Variants in CPAP observed in about 807,000 individuals in gnomAD.
The protein encoded by CPAP is centrosomal P4.1-associated protein.
the CPAP span, among the ~76,000 whole-genome samples, chr13:24,900,897 A>G: frequency 1.3e-5 from 2 of 152,238 alleles, no homozygotes; most frequent in African/African-American, 2.4e-5. Context: ...CAAATGGAAG[A>G]GCAGACTCAT....
At chr13:24,902,854 T>G in the CPAP span, among the ~76,000 whole-genome samples, 2 of 152,178 alleles carry the variant, frequency 1.3e-5, no homozygotes, top group South Asian at 4.1e-4. Flanking sequence ...ATCCCCTAGA[T>G]CCCATCCCGC....
At chr13:24,899,487 T>C in the CPAP span, 1 of 1,613,884 alleles carries the variant, frequency 6.2e-7, no homozygotes, top group African/African-American at 1.3e-5. Context: ...TCAAAAACTT[T>C]ACGTTCCTTT....
the CPAP span, among the ~76,000 whole-genome samples, chr13:24,927,324 T>A: frequency 1.3e-5 from 2 of 152,042 alleles, no homozygotes; most frequent in East Asian, 3.9e-4. Context: ...GGAGAGAAAT[T>A]ACAACAAACC....
At chr13:24,886,476 A>G in the CPAP span, 2 of 602,840 alleles carry the variant, frequency 3.3e-6, no homozygotes, top group South Asian at 3.0e-5. Flanking sequence ...ATATGATTCA[A>G]TGTAACTAAT....
At chr13:24,890,902 C>T in the CPAP span, among the ~76,000 whole-genome samples, 249 of 152,184 alleles carry the variant, frequency 1.6e-3, 2 homozygotes, top group East Asian at 0.039. Flanking sequence ...CTTCCTCCTG[C>T]GTCAATATTT....
the CPAP span, chr13:24,906,602 T>C: frequency 6.2e-7 from 1 of 1,614,252 alleles, no homozygotes; most frequent in African/African-American, 1.3e-5. Context: ...ATCACATTTC[T>C]TCCCCGTCTG....
chr13:24,922,528 G>C, the CPAP span, among the ~76,000 whole-genome samples: 4 of 152,250 alleles, frequency 2.6e-5, no homozygotes, highest in Non-Finnish European at 5.9e-5. Context: ...ACCCCAGAGA[G>C]GCCGGCTTCC....
the CPAP span, among the ~76,000 whole-genome samples, chr13:24,914,798 G>C: frequency 2.0e-5 from 3 of 151,974 alleles, no homozygotes; most frequent in South Asian, 2.1e-4. Flanking sequence ...AATAAGTCGG[G>C]TGTGGTAACT....
the CPAP span, among the ~76,000 whole-genome samples, chr13:24,915,092 T>G: frequency 6.0e-4 from 91 of 151,970 alleles, no homozygotes; most frequent in Non-Finnish European, 1.1e-3. Flanking sequence ...AATTAATTAA[T>G]TAATTAATAA....
At chr13:24,883,346 A>AACTC in the CPAP span, 3 of 1,613,026 alleles carry the variant, frequency 1.9e-6, no homozygotes, top group Non-Finnish European at 2.5e-6. Flanking sequence ...GCCATTATTA[A>AACTC]ACTCTATGAG....
chr13:24,888,688 C>T, the CPAP span, among the ~76,000 whole-genome samples: 2 of 152,200 alleles, frequency 1.3e-5, no homozygotes, highest in Non-Finnish European at 2.9e-5. Context: ...GATCAAGACA[C>T]GCTCTGCAGC....
At chr13:24,913,016 T>G in the CPAP span, 2 of 1,613,772 alleles carry the variant, frequency 1.2e-6, no homozygotes, top group Non-Finnish European at 1.7e-6. Flanking sequence ...GAGGTTGGCA[T>G]CAGGAACATC....
chr13:24,882,874 G>GT, the CPAP span: 702 of 358,640 alleles, frequency 2.0e-3, 1 homozygote, highest in East Asian at 2.9e-3. Flanking sequence ...GTACTTCTTG[G>GT]TTTTTTTTTA....
At chr13:24,917,491 T>A in the CPAP span, among the ~76,000 whole-genome samples, 1 of 152,234 alleles carries the variant, frequency 6.6e-6, no homozygotes, top group Admixed American at 6.5e-5. Context: ...CATAAGATGC[T>A]GCTGTACTGA....
At chr13:24,923,108 G>A in the CPAP span, among the ~76,000 whole-genome samples, 1 of 152,208 alleles carries the variant, frequency 6.6e-6, no homozygotes, top group Non-Finnish European at 1.5e-5. Context: ...CGTCGCCCCA[G>A]GCTCCCACAC....
chr13:24,886,022 A>G, the CPAP span: 1 of 377,474 alleles, frequency 2.6e-6, no homozygotes, highest in South Asian at 2.2e-5. Flanking sequence ...ATAACTGGGT[A>G]TTTAGTTAAA....
the CPAP span, chr13:24,905,654 T>C: frequency 4.3e-6 from 7 of 1,614,104 alleles, no homozygotes; most frequent in South Asian, 6.6e-5. Flanking sequence ...AGTTCTTTCA[T>C]CATCAAAGTC....
At chr13:24,908,593 A>AAAAAT in the CPAP span, among the ~76,000 whole-genome samples, 2,973 of 77,918 alleles carry the variant, frequency 0.038, 98 homozygotes, top group African/African-American at 0.13. Context: ...ACCCTGTCTC[A>AAAAAT]AAAATAAAAT....
chr13:24,908,362 G>C, the CPAP span, among the ~76,000 whole-genome samples: 1 of 141,706 alleles, frequency 7.1e-6, no homozygotes, highest in South Asian at 2.2e-4. Context: ...ACTTTGGGAG[G>C]CCAAGGCGGG....
Sources: gnomAD v4.1 joint callset for allele counts (sites outside exome capture counted in the v4.1 genomes callset) on GRCh38, gnomAD v4.1.1 for gene constraint, MANE v1.5 for transcripts, NCBI Gene and HGNC (gene_info 2026-07-23, HGNC 2026-07-21) for gene names.